Variants in DLG2 observed in about 807,000 individuals in gnomAD.
DLG2 encodes disks large homolog 2.
A neutral mutation model predicts 132.5 loss-of-function variants in DLG2; 45 were observed. The observed-to-expected ratio is 0.34, with a 90% CI of 0.27 to 0.44. DLG2 has a LOEUF of 0.44. Among genes scored for constraint, DLG2 ranks in the 20% least tolerant of loss-of-function variants. DLG2 has a pLI of 1.00. For missense variants in DLG2, 1,045 were observed against 1,196.9 expected (o/e 0.87, Z 1.87); for synonymous variants, 424 against 419.6 (o/e 1.01, Z -0.13).
intron 19 of DLG2, among the ~76,000 whole-genome samples, chr11:83,625,741 C>A (rs2062410580): frequency 6.6e-6 from 1 of 152,062 alleles, no homozygotes; most frequent in South Asian, 2.1e-4. Flanking sequence ...TAAATTAGGT[C>A]CCAATTTAAA....
At chr11:84,915,398 C>T (rs565858160) in intron 6 of DLG2, among the ~76,000 whole-genome samples, 4 of 152,256 alleles carry the variant, frequency 2.6e-5, no homozygotes, top group African/African-American at 9.6e-5. Context: ...CTTTTTAAAA[C>T]ATACTGAGTT....
intron 22 of DLG2, among the ~76,000 whole-genome samples, chr11:83,474,168 T>C (rs529686114): frequency 2.4e-4 from 37 of 152,226 alleles, no homozygotes; most frequent in South Asian, 2.1e-4. Flanking sequence ...CAGGGGACTC[T>C]GCCACATTGG....
At position 85,078,327 on chromosome 11, in the gene DLG2, A is replaced by G. The variant is rs117983289; in HGVS notation, c.357+33334T>C. ...AGGAAGGCTCTACTAACAATGTTTA[A>G]TCTGACCTGAAGGAAGTGAGCGAAC... On this transcript the variant is annotated intron_variant, in intron 6 of 27. Transcript: ENST00000376104. Among the ~76,000 whole-genome samples the G allele has an allele frequency of 4.3e-3, 658 of 151,610 alleles. 1 individual carries two copies. The highest frequency in any genetic ancestry group is 7.7e-3 in the Non-Finnish European group (524 of 67,896).
chr11:84,898,781 A>G (rs1376936666), intron 6 of DLG2, among the ~76,000 whole-genome samples: 1 of 151,928 alleles, frequency 6.6e-6, no homozygotes, highest in Non-Finnish European at 1.5e-5. Context: ...GCTATCTTCC[A>G]TGGCCCAGCT....
At chr11:84,288,313 T>C (rs2154374227) in intron 7 of DLG2, among the ~76,000 whole-genome samples, 1 of 152,090 alleles carries the variant, frequency 6.6e-6, no homozygotes, top group East Asian at 1.9e-4. Context: ...GATTAATAAA[T>C]AAATGTTAGC....
chr11:85,246,162 G>C (rs933036328), intron 4 of DLG2, among the ~76,000 whole-genome samples: 1 of 151,760 alleles, frequency 6.6e-6, no homozygotes, highest in African/African-American at 2.4e-5. Flanking sequence ...TATTGATTTT[G>C]CTCATGGTTG....
chr11:84,965,323 A>C (rs748589676), intron 6 of DLG2, among the ~76,000 whole-genome samples: 1 of 151,974 alleles, frequency 6.6e-6, no homozygotes, highest in Non-Finnish European at 1.5e-5. Flanking sequence ...GAAAAAAATT[A>C]TGATATCAAA....
At chr11:83,674,743 G>T (rs1455448988) in intron 18 of DLG2, among the ~76,000 whole-genome samples, 1 of 152,174 alleles carries the variant, frequency 6.6e-6, no homozygotes, top group African/African-American at 2.4e-5. Flanking sequence ...ACACAGCTAG[G>T]CTGGGAGCAC....
At chr11:83,636,948 C>G (rs774450904) in intron 18 of DLG2, among the ~76,000 whole-genome samples, 10 of 152,098 alleles carry the variant, frequency 6.6e-5, no homozygotes, top group Non-Finnish European at 1.3e-4. Flanking sequence ...CTCTTTGCTA[C>G]TTTTCTTTGA....
At chr11:83,589,455 C>T (rs1278712144) in intron 19 of DLG2, among the ~76,000 whole-genome samples, 3 of 151,734 alleles carry the variant, frequency 2.0e-5, no homozygotes, top group Admixed American at 6.6e-5. Context: ...GATTTTGTCA[C>T]CAGCAGGCCT....
chr11:83,866,815 T>TG (rs1297366085), intron 16 of DLG2, among the ~76,000 whole-genome samples: 4 of 152,116 alleles, frequency 2.6e-5, no homozygotes, highest in Non-Finnish European at 5.9e-5. Flanking sequence ...ACAAGGTCAA[T>TG]ACTACTGGCA....
chr11:84,969,705 G>A (rs912714751), intron 6 of DLG2, among the ~76,000 whole-genome samples: 2 of 152,062 alleles, frequency 1.3e-5, no homozygotes, highest in Non-Finnish European at 2.9e-5. Flanking sequence ...GTACCAACAA[G>A]AAAAGACACA....
chr11:84,701,534 G>C (rs1230446763), intron 6 of DLG2, among the ~76,000 whole-genome samples: 3 of 151,610 alleles, frequency 2.0e-5, no homozygotes, highest in Admixed American at 6.6e-5. Context: ...TGTGGGACAT[G>C]TGTCCTTAAG....
chr11:85,616,548 C>T lies in DLG2; in HGVS notation c.-93+10039G>A, dbSNP rs149616512. ...GCCTCAGGGGCGCTATATGCCAGGACAAAACCCAGAAGGAATTTTTCAGTA... is the reference window on the plus strand; with the variant it reads ...GCCTCAGGGGCGCTATATGCCAGGATAAAACCCAGAAGGAATTTTTCAGTA... On this transcript the variant is annotated intron_variant, in intron 2 of 27. Transcript: ENST00000376104. Among the ~76,000 whole-genome samples, 553 of 152,198 alleles carry T rather than the reference C, an allele frequency of 3.6e-3. 1 individual carries two copies. The highest frequency in any genetic ancestry group is 0.012 in the African/African-American group (512 of 41,530).
intron 6 of DLG2, among the ~76,000 whole-genome samples, chr11:85,020,315 AT>A (rs1448443064): frequency 6.6e-6 from 1 of 151,368 alleles, no homozygotes; most frequent in African/African-American, 2.4e-5. Flanking sequence ...GATGGGGTTG[AT>A]TTTTTCTTGT....
At chr11:84,875,215 T>A (rs1309941013) in intron 6 of DLG2, among the ~76,000 whole-genome samples, 1 of 152,102 alleles carries the variant, frequency 6.6e-6, no homozygotes. Flanking sequence ...GATACATTGG[T>A]TTAATACTTT....
chr11:84,462,599 C>T (rs901452749), intron 7 of DLG2, among the ~76,000 whole-genome samples: 1 of 151,112 alleles, frequency 6.6e-6, no homozygotes, highest in African/African-American at 2.4e-5. Flanking sequence ...CACATTTTCA[C>T]ACTCAGAGTA....
chr11:85,467,539 A>T (rs2092833282), intron 3 of DLG2, among the ~76,000 whole-genome samples: 1 of 152,194 alleles, frequency 6.6e-6, no homozygotes, highest in African/African-American at 2.4e-5. Context: ...AATTTTGTCA[A>T]AGGCCTTTTC....
chr11:83,997,695 C>T (rs139393438), intron 11 of DLG2, among the ~76,000 whole-genome samples: 2,768 of 117,020 alleles, frequency 0.024, 77 homozygotes, highest in African/African-American at 0.075. Flanking sequence ...GGTGCCACTG[C>T]ACTCCAGCCT....
Sources: gnomAD v4.1 joint callset for allele counts (sites outside exome capture counted in the v4.1 genomes callset) on GRCh38, gnomAD v4.1.1 for gene constraint, MANE v1.5 for transcripts, NCBI Gene and HGNC (gene_info 2026-07-23, HGNC 2026-07-21) for gene names.